The following SRPRB variants were observed in gnomAD, a reference collection of about 807,000 sequenced individuals.
SRPRB encodes signal recognition particle receptor subunit beta.
A neutral mutation model predicts 31.9 loss-of-function variants in SRPRB; 20 were observed. That is an observed-to-expected ratio of 0.63 (90% CI 0.44 to 0.91). The LOEUF is 0.91. Ranked by LOEUF, SRPRB falls within the 40% of genes least tolerant of loss-of-function variation. The pLI is 0.00. For missense variants in SRPRB, 321 were observed against 324.9 expected (o/e 0.99, Z 0.09); for synonymous variants, 146 against 132.8 (o/e 1.10, Z -0.68).
chr3:133,792,737 AG>A (rs1308057021), intron 1 of SRPRB: 1 of 152,194 alleles, frequency 6.6e-6, no homozygotes, highest in Non-Finnish European at 1.5e-5. Flanking sequence ...TTCTGTCTAA[AG>A]GGTTAAAGGA....
At chr3:133,823,557 A>G (rs1010239097), downstream of SRPRB, among the ~76,000 whole-genome samples, 8 of 152,118 alleles carry the variant, frequency 5.3e-5, no homozygotes, top group African/African-American at 1.9e-4. Context: ...GAACCTTTAT[A>G]AGCTTTAAAA....
upstream of SRPRB, among the ~76,000 whole-genome samples, chr3:133,804,344 G>A (rs1343471008): frequency 1.3e-5 from 2 of 151,962 alleles, no homozygotes; most frequent in East Asian, 3.9e-4. Context: ...AGCAGAGAGG[G>A]ACGCTCTAAA....
chr3:133,800,344 G>A (rs1348795342), intron 1 of SRPRB, among the ~76,000 whole-genome samples: 1 of 152,186 alleles, frequency 6.6e-6, no homozygotes, highest in African/African-American at 2.4e-5. Flanking sequence ...TATGCTGTGG[G>A]ACTGTCCAAA....
chr3:133,796,780 A>C (rs1233688083), intron 1 of SRPRB: 2 of 152,210 alleles, frequency 1.3e-5, no homozygotes, highest in Non-Finnish European at 2.9e-5. Context: ...AGTCTTCTAG[A>C]TGTTTAGAAG....
intron 1 of SRPRB, chr3:133,794,403 T>C (rs929779109): frequency 6.6e-6 from 1 of 152,228 alleles, no homozygotes; most frequent in Non-Finnish European, 1.5e-5. Context: ...TTTTATTCAA[T>C]TGTTATTTTC....
chr3:133,805,150 A>G (rs999980160), upstream of SRPRB, among the ~76,000 whole-genome samples: 1 of 152,186 alleles, frequency 6.6e-6, no homozygotes, highest in Non-Finnish European at 1.5e-5. Flanking sequence ...CAACAGCCCC[A>G]GCTCTCCTGG....
chr3:133,802,304 G>C (rs1235019407), upstream of SRPRB, among the ~76,000 whole-genome samples: 1 of 152,114 alleles, frequency 6.6e-6, no homozygotes, highest in African/African-American at 2.4e-5. Context: ...AGCTATTTGG[G>C]AGGCTGAAGC....
chr3:133,803,823 C>T (rs1184607604), upstream of SRPRB, among the ~76,000 whole-genome samples: 1 of 151,896 alleles, frequency 6.6e-6, no homozygotes, highest in Non-Finnish European at 1.5e-5. Flanking sequence ...GCCACCATGC[C>T]TGGCTAATTA....
At chr3:133,794,275 C>T (rs540162119) in intron 1 of SRPRB, 2 of 152,236 alleles carry the variant, frequency 1.3e-5, no homozygotes, top group South Asian at 4.2e-4. Flanking sequence ...GATGTGGTGA[C>T]TTATAAATTG....
At position 133,819,547 on chromosome 3, in the gene SRPRB, C is replaced by T. The variant is rs887138019; in HGVS notation, c.603-6C>T. ...GCCTCCTGACTTCTTTCCTTTTGCC[C>T]CACAGCAACACCTTACGAGTTACCC... is the stretch of plus-strand genomic sequence containing the variant. On this transcript the variant is annotated splice_polypyrimidine_tract_variant and splice_region_variant and intron_variant, in intron 6 of 6. Transcript: ENST00000678299. 9 of 1,603,750 alleles carry T rather than the reference C, an allele frequency of 5.6e-6. No homozygotes were observed. Among genetic ancestry groups the T allele is most frequent in the Admixed American group, 1.7e-5 (1 of 59,806 alleles).
Position 133,807,712 on chromosome 3 carries a change from ATGTTG to A in SRPRB, c.250-33_250-29del, listed in dbSNP as rs1433045488. ...AACTCAATTTAGGTGTGCTATTAAA[ATGTTG>A]AATATCACCCATCTTGTTTTTTTTA... On this transcript the variant is annotated intron_variant, in intron 2 of 6. Coordinates refer to ENST00000678299, the MANE Select transcript of SRPRB (RefSeq NM_001379313.1). 4 of 1,433,802 alleles carry A rather than the reference ATGTTG, an allele frequency of 2.8e-6. No individual in the cohort carries two copies. In the Admixed American group the frequency reaches 6.8e-5, roughly 24 times the overall value. 88.8% of individuals were successfully genotyped at this position (1,433,802 alleles called of 1,614,324 possible).
chr3:133,806,098 C>A lies in SRPRB; in HGVS notation c.154+96C>A, dbSNP rs529766355. On this transcript the variant is annotated intron_variant, in intron 1 of 6. Transcript: ENST00000678299. ...GGCCGGGGACGCGGGGCTGAGAGGGCGCCTTGAGGGCATCAGGAGGGTGAG... is the reference window on the plus strand; with the variant it reads ...GGCCGGGGACGCGGGGCTGAGAGGGAGCCTTGAGGGCATCAGGAGGGTGAG... 126 of 1,488,938 alleles carry A rather than the reference C, an allele frequency of 8.5e-5. No homozygotes were observed. In the African/African-American group the frequency reaches 1.5e-3, roughly 18 times the overall value. 92.2% of individuals were successfully genotyped at this position (1,488,938 alleles called of 1,614,324 possible). A position where few individuals can be genotyped will look rare whatever the true frequency, so the allele number is the denominator to read the frequency against.
In SRPRB at chr3:133,819,963, C is replaced by G. The variant is rs1576386514; in HGVS notation, c.*197C>G. ...TAAGTTCAGTTCTCCCTTATGGCTGCCTTTCAAACAAGTACCTTTTATCTG... is the reference window on the plus strand; with the variant it reads ...TAAGTTCAGTTCTCCCTTATGGCTGGCTTTCAAACAAGTACCTTTTATCTG... On this transcript the variant is annotated 3_prime_UTR_variant, in exon 7 of 7. Transcript: ENST00000678299. 1.8e-6 allele frequency: 1 copy of G among 561,500 alleles called. No homozygotes were observed. Among genetic ancestry groups the G allele is most frequent in the Non-Finnish European group, 3.2e-6 (1 of 316,716 alleles). 34.8% of individuals were successfully genotyped at this position (561,500 alleles called of 1,614,324 possible).
intron 1 of SRPRB, chr3:133,796,462 G>A (rs1487625784): frequency 6.6e-6 from 1 of 152,280 alleles, no homozygotes; most frequent in Non-Finnish European, 1.5e-5. Context: ...CTTCAGCTAT[G>A]ATGGGAAATG....
At chr3:133,794,130 T>A (rs1934909878) in intron 1 of SRPRB, 1 of 152,184 alleles carries the variant, frequency 6.6e-6, no homozygotes, top group Non-Finnish European at 1.5e-5. Flanking sequence ...GAGTCTAATG[T>A]TAATTAAGCA....
intron 4 of SRPRB, 74 bp downstream of exon 4, chr3:133,811,273 C>T: frequency 4.6e-6 from 7 of 1,505,606 alleles, no homozygotes; most frequent in Non-Finnish European, 6.4e-6. Context: ...GTGATTTGCT[C>T]TGGTGGTGTT....
At position 133,820,812 on chromosome 3, in the gene SRPRB, A is replaced by G. The variant is rs548821412; in HGVS notation, c.*1046A>G. 2.6e-5 allele frequency: 4 copies of G among 152,366 alleles called. No individual in the cohort carries two copies. Among genetic ancestry groups the G allele is most frequent in the Admixed American group, 6.5e-5 (1 of 15,310 alleles). The allele number at this position is 152,366 out of a possible 1,614,324, so 9.4% of individuals were successfully genotyped here. ...TAATGGTGAGTACAAATGAGTGCAC[A>G]TGTCAGGACTCAGGTCTAACTCCTT... On this transcript the variant is annotated 3_prime_UTR_variant, in exon 7 of 7. Transcript: ENST00000678299.
upstream of SRPRB, among the ~76,000 whole-genome samples, chr3:133,803,847 G>T (rs1005364503): frequency 5.3e-5 from 8 of 151,720 alleles, no homozygotes; most frequent in African/African-American, 1.9e-4. Context: ...TTTAATTAAA[G>T]AAAATGTTTT....
intron 6 of SRPRB, among the ~76,000 whole-genome samples, chr3:133,817,166 CTTAA>C (rs1935382690): frequency 6.6e-6 from 1 of 152,110 alleles, no homozygotes; most frequent in Non-Finnish European, 1.5e-5. Context: ...AAACCATAAA[CTTAA>C]TTTATTTTAC....
Sources: gnomAD v4.1 joint callset for allele counts (sites outside exome capture counted in the v4.1 genomes callset) on GRCh38, gnomAD v4.1.1 for gene constraint, MANE v1.5 for transcripts, NCBI Gene and HGNC (gene_info 2026-07-23, HGNC 2026-07-21) for gene names.